SMAD2: variants seen among roughly 807,000 people sequenced by gnomAD.
SMAD2 encodes the protein MAD homolog 2.
In SMAD2, 8 loss-of-function variants were observed where a neutral mutation model predicts 64.4. That is an observed-to-expected ratio of 0.12 (90% CI 0.07 to 0.22). SMAD2 has a LOEUF of 0.22. SMAD2 is among the 10% of genes least tolerant of loss of function. The pLI is 1.00. For missense variants in SMAD2, 289 were observed against 561.2 expected (o/e 0.51, Z 4.90); for synonymous variants, 203 against 195.8 (o/e 1.04, Z -0.31).
chr18:47,811,893 T>C lies in SMAD2; in HGVS notation c.*29934A>G, dbSNP rs900167731. ...CATATATAAAGCACTGCTGGAAATG[T>C]TGAAGCAGACACAAAGATGTAGCAT... On this transcript the variant is annotated 3_prime_UTR_variant, in exon 11 of 11. Coordinates refer to ENST00000262160, the MANE Select transcript of SMAD2 (RefSeq NM_005901.6). 2.0e-5 allele frequency: 3 copies of C among 152,232 alleles called. No individual in the cohort carries two copies. The highest frequency in any genetic ancestry group is 4.8e-5 in the African/African-American group (2 of 41,466). The allele number at this position is 152,232 out of a possible 1,614,324, so 9.4% of individuals were successfully genotyped here.
chr18:47,839,713 T>C lies in SMAD2; in HGVS notation c.*2114A>G, dbSNP rs72661152. On this transcript the variant is annotated 3_prime_UTR_variant, in exon 11 of 11. Coordinates refer to ENST00000262160, the MANE Select transcript of SMAD2 (RefSeq NM_005901.6). ...TCTGATCTTCAAGTTTGGATTTGTA[T>C]AGAGGTTTCTGTATAAAGCATTAAT... 1,395 of 233,400 alleles carry C rather than the reference T, an allele frequency of 6.0e-3. 9 individuals carry two copies. The highest frequency in any genetic ancestry group is 8.9e-3 in the Middle Eastern group (7 of 786). The allele number at this position is 233,400 out of a possible 1,614,324, so 14.5% of individuals were successfully genotyped here. A position where few individuals can be genotyped will look rare whatever the true frequency, so the allele number is the denominator to read the frequency against.
At chr18:47,846,473 G>T (rs1015630903) in intron 8 of SMAD2, among the ~76,000 whole-genome samples, 1 of 152,166 alleles carries the variant, frequency 6.6e-6, no homozygotes, top group Admixed American at 6.5e-5. Context: ...AACACTAGGT[G>T]CTGCTGTTAA....
intron 6 of SMAD2, among the ~76,000 whole-genome samples, chr18:47,853,686 A>C (rs2030373277): frequency 6.6e-6 from 1 of 152,182 alleles, no homozygotes; most frequent in African/African-American, 2.4e-5. Flanking sequence ...AGTTTTTAGA[A>C]GACAGTACGG....
intron 1 of SMAD2, chr18:47,912,557 G>T (rs996780152): frequency 6.6e-6 from 1 of 152,360 alleles, no homozygotes; most frequent in Non-Finnish European, 1.5e-5. Flanking sequence ...CAGTGTACAA[G>T]TAAGAGTGTG....
chr18:47,879,341 C>T lies in SMAD2; in HGVS notation c.237-8777G>A, dbSNP rs567746339. 7.9e-5 allele frequency among the ~76,000 whole-genome samples: 12 copies of T among 152,248 alleles called. No individual in the cohort carries two copies. The East Asian group carries it at 2.3e-3, about 29-fold the overall frequency. On this transcript the variant is annotated intron_variant, in intron 2 of 10. Coordinates refer to ENST00000262160, the MANE Select transcript of SMAD2 (RefSeq NM_005901.6). ...CATTTCTCAATGTCTGGCATCCATG[C>T]GCTCATCCCCAGAGGCAACCACTAA...
intron 1 of SMAD2, among the ~76,000 whole-genome samples, chr18:47,900,480 T>C (rs1277463660): frequency 6.6e-6 from 1 of 152,142 alleles, no homozygotes; most frequent in East Asian, 1.9e-4. Context: ...ATTATTTAAA[T>C]TTATGTTCTC....
rs1394908698 is a variant in SMAD2 at position 47,864,174 on chromosome 18, G to A, written c.730+885C>T. On this transcript the variant is annotated intron_variant, in intron 6 of 10. Transcript: ENST00000262160. Reference sequence around the variant, plus strand: ...AGATGTATAACACGTTATTTCCAACGTTCATTAGATTATCTACCTTTCTTA... The same window carrying A: ...AGATGTATAACACGTTATTTCCAACATTCATTAGATTATCTACCTTTCTTA... Among the ~76,000 whole-genome samples the A allele has an allele frequency of 2.0e-5, 3 of 152,182 alleles. No individual in the cohort carries two copies. The East Asian group carries it at 5.8e-4, about 29-fold the overall frequency.
chr18:47,891,355 G>C (rs897203349), intron 2 of SMAD2, among the ~76,000 whole-genome samples: 5 of 152,004 alleles, frequency 3.3e-5, no homozygotes, highest in Admixed American at 2.0e-4. Flanking sequence ...GCATTAAAAA[G>C]AAACATCCTG....
Position 47,835,098 on chromosome 18 carries a change from C to T in SMAD2, c.*6729G>A, listed in dbSNP as rs138462547. On this transcript the variant is annotated 3_prime_UTR_variant, in exon 11 of 11. Transcript: ENST00000262160. The stretch of plus-strand genomic sequence containing the variant: ...TCTCATCTTAATCGCTGTAGTTTTT[C>T]TTTCTTTACTCTTTTGTATAAAAGG... 3 of 218,744 alleles carry T rather than the reference C, an allele frequency of 1.4e-5. No individual in the cohort carries two copies. The East Asian group carries it at 2.0e-4, about 15-fold the overall frequency. The allele number at this position is 218,744 out of a possible 1,614,324, so 13.6% of individuals were successfully genotyped here.
chr18:47,916,479 C>T (rs1023483304), intron 1 of SMAD2, among the ~76,000 whole-genome samples: 2 of 151,800 alleles, frequency 1.3e-5, no homozygotes, highest in African/African-American at 4.8e-5. Context: ...TGCAGTGGCA[C>T]GATCTTGTCT....
intron 2 of SMAD2, among the ~76,000 whole-genome samples, chr18:47,875,062 T>C (rs1297539106): frequency 6.6e-6 from 1 of 152,138 alleles, no homozygotes; most frequent in Non-Finnish European, 1.5e-5. Context: ...AATAATAACA[T>C]GCCAGCCTGA....
At chr18:47,859,854 C>G (rs1274160672) in intron 6 of SMAD2, among the ~76,000 whole-genome samples, 1 of 152,178 alleles carries the variant, frequency 6.6e-6, no homozygotes, top group Non-Finnish European at 1.5e-5. Context: ...AGTCAAATTA[C>G]TAACATTATA....
intron 7 of SMAD2, among the ~76,000 whole-genome samples, chr18:47,850,006 C>CA (rs1914944482): frequency 6.7e-6 from 1 of 150,116 alleles, no homozygotes; most frequent in Admixed American, 6.7e-5. Flanking sequence ...GACTCTGTCT[C>CA]AAAAAATAAA....
rs1319902423 is a variant in SMAD2 at position 47,840,342 on chromosome 18, C to G, written c.*1485G>C. On this transcript the variant is annotated 3_prime_UTR_variant, in exon 11 of 11. Coordinates refer to ENST00000262160, the MANE Select transcript of SMAD2 (RefSeq NM_005901.6). The stretch of plus-strand genomic sequence containing the variant: ...ATGCAAACAAGAAGAAATGTTTAAA[C>G]TGCAATGAGTCAACATCAGACATAA... The G allele has an allele frequency of 4.3e-6, 1 of 232,694 alleles. No homozygotes were observed. The highest frequency in any genetic ancestry group is 8.5e-6 in the Non-Finnish European group (1 of 117,850). The allele number at this position is 232,694 out of a possible 1,614,324, so 14.4% of individuals were successfully genotyped here.
At chr18:47,926,336 T>C (rs1262659924) in intron 1 of SMAD2, among the ~76,000 whole-genome samples, 1 of 152,236 alleles carries the variant, frequency 6.6e-6, no homozygotes, top group African/African-American at 2.4e-5. Context: ...TGATTTAGGC[T>C]AATTGATGAA....
chr18:47,918,757 G>GA (rs901886380), intron 1 of SMAD2, among the ~76,000 whole-genome samples: 9 of 126,624 alleles, frequency 7.1e-5, no homozygotes, highest in East Asian at 2.7e-4. Context: ...AGAAACGGGG[G>GA]AAAAAAATCA....
rs1912636730 is a variant in SMAD2, at chr18:47,823,321, A to C, written c.*18506T>G. On this transcript the variant is annotated 3_prime_UTR_variant, in exon 11 of 11. Transcript: ENST00000262160. ...TTGCAGACAAAATCTGATAAAGTTT[A>C]CAAATCTGTTTTATTCTGAACATCT... 2 of 152,218 alleles carry C rather than the reference A, an allele frequency of 1.3e-5. No homozygotes were observed. Among genetic ancestry groups the C allele is most frequent in the African/African-American group, 4.8e-5 (2 of 41,460 alleles). The allele number at this position is 152,218 out of a possible 1,614,324, so 9.4% of individuals were successfully genotyped here. A position where few individuals can be genotyped will look rare whatever the true frequency, so the allele number is the denominator to read the frequency against.
chr18:47,860,340 T>A (rs1417866357), intron 6 of SMAD2, among the ~76,000 whole-genome samples: 1 of 152,046 alleles, frequency 6.6e-6, no homozygotes, highest in Non-Finnish European at 1.5e-5. Context: ...GGCGCAAACA[T>A]GGCTCAATGC....
intron 1 of SMAD2, among the ~76,000 whole-genome samples, chr18:47,915,302 G>A (rs2034290238): frequency 6.6e-6 from 1 of 152,054 alleles, no homozygotes; most frequent in Non-Finnish European, 1.5e-5. Flanking sequence ...ATACAGTTCT[G>A]TACATTTTAT....
Sources: gnomAD v4.1 joint callset for allele counts (sites outside exome capture counted in the v4.1 genomes callset) on GRCh38, gnomAD v4.1.1 for gene constraint, MANE v1.5 for transcripts, NCBI Gene and HGNC (gene_info 2026-07-23, HGNC 2026-07-21) for gene names.